The following SYT15B variants were observed in gnomAD, a reference collection of about 807,000 sequenced individuals.
SYT15B encodes the protein synaptotagmin 15B.
chr10:47,751,180 AC>A, the SYT15B span: 1 of 151,776 alleles, frequency 6.6e-6, no homozygotes, highest in Non-Finnish European at 1.5e-5. Flanking sequence ...CACTATCACT[AC>A]TTATAGTCAG....
At chr10:47,761,108 AC>A in the SYT15B span, among the ~76,000 whole-genome samples, 1 of 149,172 alleles carries the variant, frequency 6.7e-6, no homozygotes, top group East Asian at 2.0e-4. Flanking sequence ...ACACGCACAC[AC>A]ACACACACAC....
the SYT15B span, among the ~76,000 whole-genome samples, chr10:47,748,204 C>CT: frequency 1.1e-4 from 16 of 148,664 alleles, no homozygotes; most frequent in African/African-American, 2.2e-4. Context: ...GCACACTATA[C>CT]TTTTTTTTTA....
chr10:47,755,249 C>G, the SYT15B span, among the ~76,000 whole-genome samples: 1 of 150,914 alleles, frequency 6.6e-6, no homozygotes, highest in Non-Finnish European at 1.5e-5. Context: ...GCCACCGCAC[C>G]CAGCCAACCT....
the SYT15B span, among the ~76,000 whole-genome samples, chr10:47,755,332 T>C: frequency 4.6e-5 from 7 of 152,232 alleles, no homozygotes; most frequent in Admixed American, 3.9e-4. Flanking sequence ...CTCGGCTCAC[T>C]GCAAGCTCCG....
At chr10:47,748,675 G>C in the SYT15B span, among the ~76,000 whole-genome samples, 10 of 151,638 alleles carry the variant, frequency 6.6e-5, no homozygotes, top group East Asian at 1.9e-4. Flanking sequence ...CTTTTGTAGA[G>C]GGGGGGGATC....
At chr10:47,762,361 T>C in the SYT15B span, among the ~76,000 whole-genome samples, 1 of 140,040 alleles carries the variant, frequency 7.1e-6, no homozygotes, top group Non-Finnish European at 1.6e-5. Context: ...AAAAGGTGCC[T>C]CCCTTAGGGT....
the SYT15B span, among the ~76,000 whole-genome samples, chr10:47,761,177 C>T: frequency 6.6e-6 from 1 of 150,804 alleles, no homozygotes; most frequent in East Asian, 2.0e-4. Context: ...GTCAGCCAGT[C>T]TGGGTTTGGA....
At chr10:47,745,542 C>A in the SYT15B span, among the ~76,000 whole-genome samples, 1 of 14,792 alleles carries the variant, frequency 6.8e-5, no homozygotes. Flanking sequence ...TTCCACAGTG[C>A]AAAATAGCAA....
chr10:47,760,859 C>G, the SYT15B span: 1 of 1,402,196 alleles, frequency 7.1e-7, no homozygotes, highest in Non-Finnish European at 9.6e-7. Flanking sequence ...TCGGCCCACT[C>G]TCCACTGTGC....
At chr10:47,750,559 GCC>G in the SYT15B span, among the ~76,000 whole-genome samples, 1 of 89,196 alleles carries the variant, frequency 1.1e-5, no homozygotes, top group Non-Finnish European at 2.3e-5. Flanking sequence ...CAATACTCCT[GCC>G]CCAGCCCTCC....
chr10:47,761,104 A>ACG, the SYT15B span, among the ~76,000 whole-genome samples: 2 of 84,800 alleles, frequency 2.4e-5, no homozygotes, highest in African/African-American at 8.4e-5. Context: ...ACACACACGC[A>ACG]CACACACACA....
the SYT15B span, among the ~76,000 whole-genome samples, chr10:47,748,088 G>A: frequency 6.6e-6 from 1 of 152,140 alleles, no homozygotes; most frequent in Non-Finnish European, 1.5e-5. Context: ...AAGGGAGGAA[G>A]ATGGGGCAGA....
At chr10:47,760,489 GTTCCAA>G in the SYT15B span, among the ~76,000 whole-genome samples, 1 of 123,338 alleles carries the variant, frequency 8.1e-6, no homozygotes, top group Non-Finnish European at 1.7e-5. Context: ...GCGTGCCTGG[GTTCCAA>G]TTCCAATCTG....
At chr10:47,757,942 GTC>G in the SYT15B span, 1 of 1,595,014 alleles carries the variant, frequency 6.3e-7, no homozygotes, top group Non-Finnish European at 8.5e-7. Context: ...CAGCCTCCAG[GTC>G]TCTCCAGATG....
At chr10:47,750,100 G>A in the SYT15B span, among the ~76,000 whole-genome samples, 1 of 151,792 alleles carries the variant, frequency 6.6e-6, no homozygotes, top group South Asian at 2.1e-4. Context: ...TAATAACAGT[G>A]GCAGGCTTTA....
chr10:47,748,674 A>AG, the SYT15B span, among the ~76,000 whole-genome samples: 94 of 150,290 alleles, frequency 6.3e-4, no homozygotes, highest in Non-Finnish European at 7.5e-4. Flanking sequence ...TCTTTTGTAG[A>AG]GGGGGGGGAT....
chr10:47,763,009 G>A, the SYT15B span: 1 of 1,152,374 alleles, frequency 8.7e-7, no homozygotes, highest in Non-Finnish European at 1.1e-6. Flanking sequence ...CCCCATCCCG[G>A]AGAGCAGGGC....
chr10:47,749,456 G>A, the SYT15B span, among the ~76,000 whole-genome samples: 11 of 149,104 alleles, frequency 7.4e-5, no homozygotes, highest in African/African-American at 2.7e-4. Context: ...GTCTCGTTAG[G>A]TGTAAAATAT....
chr10:47,755,389 G>A, the SYT15B span, among the ~76,000 whole-genome samples: 1 of 152,306 alleles, frequency 6.6e-6, no homozygotes, highest in South Asian at 2.1e-4. Flanking sequence ...CCAAGTAGCT[G>A]GGACTACAGG....
Sources: gnomAD v4.1 joint callset for allele counts (sites outside exome capture counted in the v4.1 genomes callset) on GRCh38, gnomAD v4.1.1 for gene constraint, MANE v1.5 for transcripts, NCBI Gene and HGNC (gene_info 2026-07-23, HGNC 2026-07-21) for gene names.